Variants in BTBD17 observed in about 807,000 individuals in gnomAD.
BTBD17 encodes BTB/POZ domain-containing protein 17.
A neutral mutation model predicts 36.9 loss-of-function variants in BTBD17; 26 were observed. That is an observed-to-expected ratio of 0.70 (90% CI 0.52 to 0.98). BTBD17 has a LOEUF of 0.98. BTBD17 is among the 50% of genes least tolerant of loss of function. The pLI is 0.00. For missense variants in BTBD17, 630 were observed against 691.3 expected (o/e 0.91, Z 0.99); for synonymous variants, 341 against 338.0 (o/e 1.01, Z -0.10).
At position 74,357,719 on chromosome 17, in the gene BTBD17, G is replaced by C. The variant is rs1286828325; in HGVS notation, c.375C>G (p.Cys125Trp). 6.5e-7 allele frequency: 1 copy of C among 1,541,468 alleles called. No individual in the cohort carries two copies. The highest frequency in any genetic ancestry group is 8.7e-7 in the Non-Finnish European group (1 of 1,145,546). Residue 125 changes from cysteine to tryptophan, a missense_variant, in exon 3 of 3, where the codon TGC becomes TGG. Coordinates refer to ENST00000375366, the MANE Select transcript of BTBD17 (RefSeq NM_001080466.2). The surrounding 1 kb of genome is among the most constrained non-coding windows in gnomAD (Gnocchi z 8.4). ...GGGTCAGCAGCACGGTCAGCTCCCC[G>C]CAGTACAGGTACCTGCGGGAGAGAC... ...VFDKFIRYLY[C>W]GELTVLLTQA...
rs1011963719 is a variant in BTBD17, at chr17:74,361,717, G to T, written c.85+18C>A. On this transcript the variant is annotated intron_variant, in intron 1 of 2. Coordinates refer to ENST00000375366, the MANE Select transcript of BTBD17 (RefSeq NM_001080466.2). ...TGCCGCTCCACCCTGCCCCGCACCT[G>T]GCCCACTGCCCGCTCACCTGCATGG... is the stretch of plus-strand genomic sequence containing the variant. The T allele has an allele frequency of 6.2e-7, 1 of 1,606,092 alleles. No individual in the cohort carries two copies. The highest frequency in any genetic ancestry group is 8.5e-7 in the Non-Finnish European group (1 of 1,174,790).
chr17:74,361,376 C>T (rs959377200), intron 1 of BTBD17, among the ~76,000 whole-genome samples: 1 of 152,182 alleles, frequency 6.6e-6, no homozygotes, highest in Non-Finnish European at 1.5e-5. Context: ...AGCAGAGCAT[C>T]TGTGCATGAG....
At position 74,357,849 on chromosome 17, in the gene BTBD17, A is replaced by T. The variant is rs2054910218; in HGVS notation, c.363-118T>A. The T allele has an allele frequency of 1.3e-6, 1 of 749,120 alleles. No homozygotes were observed. Among genetic ancestry groups the T allele is most frequent in the Non-Finnish European group, 2.1e-6 (1 of 483,600 alleles). 46.4% of individuals were successfully genotyped at this position (749,120 alleles called of 1,614,324 possible). ...TTGGAGCTTCACTGTCCGGGTGCAA[A>T]CACAGTGGAAGCCCCACCCTGAGGC... On this transcript the variant is annotated intron_variant, in intron 2 of 2. Coordinates refer to ENST00000375366, the MANE Select transcript of BTBD17 (RefSeq NM_001080466.2). This position sits in a 1 kb window ranked among gnomAD's most constrained non-coding sequence, Gnocchi z 8.4.
rs771409941 is a variant in BTBD17 at position 74,357,565 on chromosome 17, C to A, written c.529G>T (p.Val177Leu). The change falls in exon 3 of 3, where the codon GTG becomes TTG. Residue 177 changes from valine (V) to leucine (L), a missense_variant. Transcript: ENST00000375366. The surrounding 1 kb of genome is among the most constrained non-coding windows in gnomAD (Gnocchi z 8.4). ...GPAVGWYHYA[V>L]GTGDEALRES... ...CGCAGGGCCTCGTCCCCGGTGCCCA[C>A]CGCGTAGTGGTACCAGCCCACCGCC... is the stretch of plus-strand genomic sequence containing the variant. The A allele has an allele frequency of 1.7e-5, 27 of 1,554,556 alleles. No individual in the cohort carries two copies. Among genetic ancestry groups the A allele is most frequent in the Middle Eastern group, 1.7e-4 (1 of 5,922 alleles).
At chr17:74,362,324 C>T (rs912974706), upstream of BTBD17, among the ~76,000 whole-genome samples, 2 of 152,200 alleles carry the variant, frequency 1.3e-5, no homozygotes, top group Non-Finnish European at 2.9e-5. Flanking sequence ...AAAGGAGAGG[C>T]GGCTGAGGCT....
At position 74,357,742 on chromosome 17, in the gene BTBD17, G is replaced by C. The variant is rs1439557831; in HGVS notation, c.363-11C>G. On this transcript the variant is annotated splice_polypyrimidine_tract_variant and intron_variant, in intron 2 of 2. Coordinates refer to ENST00000375366, the MANE Select transcript of BTBD17 (RefSeq NM_001080466.2). This position sits in a 1 kb window ranked among gnomAD's most constrained non-coding sequence, Gnocchi z 8.4. Reference sequence around the variant, plus strand: ...CCGCAGTACAGGTACCTGCGGGAGAGACCGAGAGGTGGGGCGGGGTCAGGG... The same window carrying C: ...CCGCAGTACAGGTACCTGCGGGAGACACCGAGAGGTGGGGCGGGGTCAGGG... 7 of 1,521,890 alleles carry C rather than the reference G, an allele frequency of 4.6e-6. No homozygotes were observed. The highest frequency in any genetic ancestry group is 6.2e-6 in the Non-Finnish European group (7 of 1,134,928). The allele number at this position is 1,521,890 out of a possible 1,614,324, so 94.3% of individuals were successfully genotyped here.
At chr17:74,361,711 G>C in intron 1 of BTBD17, 24 bp downstream of exon 1, 3 of 1,600,012 alleles carry the variant, frequency 1.9e-6, no homozygotes, top group Non-Finnish European at 2.6e-6. Flanking sequence ...ACCCTGCCCC[G>C]CACCTGGCCC....
rs771462985 is a variant in BTBD17 at position 74,357,466 on chromosome 17, G to A, written c.628C>T (p.Pro210Ser). Residue 210 changes from proline to serine, a missense_variant, in exon 3 of 3, where the codon CCC (proline) becomes TCC (serine). By Grantham distance (74) the Pro-to-Ser change is moderately conservative (BLOSUM62 -1). Coordinates refer to ENST00000375366, the MANE Select transcript of BTBD17 (RefSeq NM_001080466.2). This position sits in a 1 kb window ranked among gnomAD's most constrained non-coding sequence, Gnocchi z 8.4. ...TGCAGGAGCTGCCAGAGCAGCTCGGGGCTCACGGCGCCCCACTCGGTGCTG... is the reference window on the plus strand; with the variant it reads ...TGCAGGAGCTGCCAGAGCAGCTCGGAGCTCACGGCGCCCCACTCGGTGCTG... The part of the protein sequence containing the change: ...AASTEWGAVS[P>S]ELLWQLLQRS... 3.2e-6 allele frequency: 5 copies of A among 1,576,744 alleles called. No homozygotes were observed. The highest frequency in any genetic ancestry group is 4.3e-6 in the Non-Finnish European group (5 of 1,170,188).
Position 74,359,957 on chromosome 17 carries a change from C to T in BTBD17, c.362+12G>A. The T allele has an allele frequency of 5.0e-6, 8 of 1,600,688 alleles. No individual in the cohort carries two copies. Among genetic ancestry groups the T allele is most frequent in the Non-Finnish European group, 6.8e-6 (8 of 1,170,954 alleles). ...AGGGATGAAGCCATCCCCTAGTCTT[C>T]CGCGTCCCCACCTGATGAACTTGTC... On this transcript the variant is annotated intron_variant, in intron 2 of 2. Coordinates refer to ENST00000375366, the MANE Select transcript of BTBD17 (RefSeq NM_001080466.2).
At chr17:74,358,794 C>T (rs768200256) in intron 2 of BTBD17, among the ~76,000 whole-genome samples, 6 of 152,164 alleles carry the variant, frequency 3.9e-5, no homozygotes, top group African/African-American at 9.7e-5. Context: ...TCTTCCCCAA[C>T]GTCCATTTCT....
Position 74,356,923 on chromosome 17 carries a change from G to A in BTBD17, c.1171C>T (p.Pro391Ser). 7.1e-7 allele frequency: 1 copy of A among 1,414,398 alleles called. No individual in the cohort carries two copies. The highest frequency in any genetic ancestry group is 1.5e-5 in the South Asian group (1 of 65,170). The allele number at this position is 1,414,398 out of a possible 1,614,324, so 87.6% of individuals were successfully genotyped here. A position where few individuals can be genotyped will look rare whatever the true frequency, so the allele number is the denominator to read the frequency against. The change falls in exon 3 of 3, where the codon CCG (proline) becomes TCG (serine). Residue 391 changes from proline (P) to serine (S), a missense_variant. Coordinates refer to ENST00000375366, the MANE Select transcript of BTBD17 (RefSeq NM_001080466.2). The surrounding 1 kb of genome is among the most constrained non-coding windows in gnomAD (Gnocchi z 4.3). ...CTGGCCGGCGTCACCACCAGCCGCGGTCGGCCGTCCTCCGGGCGCGCGGCG... is the reference window on the plus strand; with the variant it reads ...CTGGCCGGCGTCACCACCAGCCGCGATCGGCCGTCCTCCGGGCGCGCGGCG... Reference protein sequence around the residue: ...LPAARPEDGRPRLVVTPASSG... With the variant: ...LPAARPEDGRSRLVVTPASSG...
chr17:74,359,925 C>G (rs776049938), intron 2 of BTBD17, 44 bp downstream of exon 2: 1 of 1,576,882 alleles, frequency 6.3e-7, no homozygotes, highest in Non-Finnish European at 8.6e-7. Context: ...GAGCCGGGGG[C>G]TGAGGAAGGG....
Position 74,357,713 on chromosome 17 carries a change from C to T in BTBD17, c.381G>A (p.Glu127=). 1 of 1,543,648 alleles carries T rather than the reference C, an allele frequency of 6.5e-7. No homozygotes were observed. Among genetic ancestry groups the T allele is most frequent in the Non-Finnish European group, 8.7e-7 (1 of 1,146,312 alleles). ...TGGCCTGGGTCAGCAGCACGGTCAG[C>T]TCCCCGCAGTACAGGTACCTGCGGG... is the stretch of plus-strand genomic sequence containing the variant. The part of the protein sequence containing the change: ...DKFIRYLYCG[E]LTVLLTQAIP... The change falls in exon 3 of 3, where the codon GAG becomes GAA. Residue 127 remains glutamate (E), a synonymous_variant. Coordinates refer to ENST00000375366, the MANE Select transcript of BTBD17 (RefSeq NM_001080466.2). This position sits in a 1 kb window ranked among gnomAD's most constrained non-coding sequence, Gnocchi z 8.4.
At chr17:74,359,789 C>T (rs1042568860) in intron 2 of BTBD17, among the ~76,000 whole-genome samples, 180 bp downstream of exon 2, 4 of 152,160 alleles carry the variant, frequency 2.6e-5, no homozygotes, top group East Asian at 1.9e-4. Flanking sequence ...ACAGATGACA[C>T]GGGCAAAGAC....
rs2054901154 is a variant in BTBD17 at position 74,357,254 on chromosome 17, G to C, written c.840C>G (p.Pro280=). The C allele has an allele frequency of 6.4e-7, 1 of 1,563,448 alleles. No homozygotes were observed. Among genetic ancestry groups the C allele is most frequent in the Non-Finnish European group, 8.6e-7 (1 of 1,158,720 alleles). The part of the protein sequence containing the change: ...ARSAALARHG[P]AVADLLLQAY... ...CCTGCAGCAGGAGGTCGGCCACCGC[G>C]GGGCCGTGGCGCGCCAGGGCTGCCG... The change falls in exon 3 of 3, where the codon CCC becomes CCG. Residue 280 remains proline (P), a synonymous_variant. Coordinates refer to ENST00000375366, the MANE Select transcript of BTBD17 (RefSeq NM_001080466.2). This position sits in a 1 kb window ranked among gnomAD's most constrained non-coding sequence, Gnocchi z 8.4.
intron 2 of BTBD17, among the ~76,000 whole-genome samples, chr17:74,359,250 A>C (rs2054919423): frequency 2.0e-5 from 3 of 152,216 alleles, no homozygotes; most frequent in Admixed American, 2.0e-4. Context: ...TATTTAGGAA[A>C]ATAAAAAGTA....
Position 74,357,707 on chromosome 17 carries a change from G to T in BTBD17, c.387C>A (p.Thr129=). 1.3e-6 allele frequency: 2 copies of T among 1,544,970 alleles called. No homozygotes were observed. The highest frequency in any genetic ancestry group is 1.9e-4 in the Middle Eastern group (1 of 5,376). ...FIRYLYCGEL[T]VLLTQAIPLH... The stretch of plus-strand genomic sequence containing the variant: ...GGGGGATGGCCTGGGTCAGCAGCAC[G>T]GTCAGCTCCCCGCAGTACAGGTACC... Residue 129 remains threonine (T), a synonymous_variant, in exon 3 of 3, where the codon ACC becomes ACA. Coordinates refer to ENST00000375366, the MANE Select transcript of BTBD17 (RefSeq NM_001080466.2). The surrounding 1 kb of genome is among the most constrained non-coding windows in gnomAD (Gnocchi z 8.4).
At chr17:74,359,770 T>C (rs554950394) in intron 2 of BTBD17, among the ~76,000 whole-genome samples, 199 bp downstream of exon 2, 3 of 152,228 alleles carry the variant, frequency 2.0e-5, no homozygotes, top group South Asian at 4.2e-4. Flanking sequence ...GAAAGTGACA[T>C]CAAACTGCAC....
intron 2 of BTBD17, among the ~76,000 whole-genome samples, chr17:74,358,852 C>T (rs2054916221): frequency 6.6e-6 from 1 of 152,186 alleles, no homozygotes; most frequent in Non-Finnish European, 1.5e-5. Context: ...ACCACATTTC[C>T]CAGGCTCCCT....
Sources: allele counts gnomAD v4.1 joint callset (sites outside exome capture counted in the v4.1 genomes callset), GRCh38; gene constraint gnomAD v4.1.1; non-coding constraint Gnocchi (gnomAD v3.1); transcripts MANE v1.5; gene names NCBI Gene and HGNC (gene_info 2026-07-23, HGNC 2026-07-21).